Variants in ZNF362 observed in about 807,000 individuals in gnomAD.
ZNF362 encodes zinc finger protein 362.
Under a neutral mutation model 42.9 loss-of-function variants are expected in ZNF362, and 11 were observed. The ratio of observed to expected loss-of-function variants is 0.26; its 90% CI spans 0.16 to 0.42. The LOEUF is 0.42. ZNF362 is among the 20% of genes least tolerant of loss of function. The pLI is 1.00. For synonymous variants in ZNF362, 255 were observed against 257.3 expected (o/e 0.99, Z 0.09); for missense variants, 362 against 576.2 (o/e 0.63, Z 3.81).
the ZNF362 span, among the ~76,000 whole-genome samples, chr1:33,175,049 A>T: frequency 1.3e-5 from 2 of 150,816 alleles, no homozygotes; most frequent in African/African-American, 4.9e-5. Context: ...ATGTATATGT[A>T]TTTTTTTTAA....
the ZNF362 span, among the ~76,000 whole-genome samples, chr1:33,160,512 C>T: frequency 6.6e-6 from 1 of 152,072 alleles, no homozygotes; most frequent in Non-Finnish European, 1.5e-5. Flanking sequence ...TCAGGCGATT[C>T]TCCAGCCTCA....
chr1:33,169,110 T>G, the ZNF362 span, among the ~76,000 whole-genome samples: 1 of 152,102 alleles, frequency 6.6e-6, no homozygotes, highest in Admixed American at 6.5e-5. Context: ...TGGGGAGAGA[T>G]GAGGTGTGAG....
chr1:33,294,275 G>A lies in ZNF362; in HGVS notation c.909-662G>A, dbSNP rs1356117009. 6.6e-6 allele frequency among the ~76,000 whole-genome samples: 1 copy of A among 152,218 alleles called. No homozygotes were observed. ...ACTGTATTTTTATACCCATTTTGCA[G>A]ATGAGGAAACTGATGCTCAGTGGTT... On this transcript the variant is annotated intron_variant, in intron 6 of 8. Coordinates refer to ENST00000539719, the MANE Select transcript of ZNF362 (RefSeq NM_152493.3). The surrounding 1 kb of genome is among the most constrained non-coding windows in gnomAD (Gnocchi z 4.2).
the ZNF362 span, among the ~76,000 whole-genome samples, chr1:33,236,386 A>G: frequency 6.6e-6 from 1 of 150,434 alleles, no homozygotes; most frequent in East Asian, 2.0e-4. Context: ...CAAAAAATGA[A>G]AAAAAATTAG....
At chr1:33,220,857 G>T in the ZNF362 span, among the ~76,000 whole-genome samples, 1 of 152,178 alleles carries the variant, frequency 6.6e-6, no homozygotes, top group African/African-American at 2.4e-5. Flanking sequence ...TATAGCCATG[G>T]TTCTCCTAAT....
At chr1:33,189,039 C>G in the ZNF362 span, among the ~76,000 whole-genome samples, 55 of 152,336 alleles carry the variant, frequency 3.6e-4, no homozygotes, top group Admixed American at 7.2e-4. Flanking sequence ...TTCCTGACCT[C>G]AGGCCACGAC....
intron 8 of ZNF362, among the ~76,000 whole-genome samples, chr1:33,295,838 T>TAAA (rs1398300493): frequency 5.3e-5 from 8 of 152,142 alleles, no homozygotes; most frequent in Admixed American, 5.2e-4. Context: ...TGTGTGCTTC[T>TAAA]GTTTGATCTA....
chr1:33,142,359 C>G, the ZNF362 span: 2 of 152,384 alleles, frequency 1.3e-5, no homozygotes, highest in African/African-American at 2.4e-5. Flanking sequence ...GAATGTATCT[C>G]TGTTGTTTTC....
chr1:33,298,876 C>T, intron 8 of ZNF362, 54 bp from the exon 9 acceptor site: 3 of 1,513,750 alleles, frequency 2.0e-6, no homozygotes, highest in East Asian at 2.3e-5. Flanking sequence ...ACTGCAGCCT[C>T]TTCTCCCTCC....
At chr1:33,135,918 G>T in the ZNF362 span, among the ~76,000 whole-genome samples, 137 of 152,260 alleles carry the variant, frequency 9.0e-4, no homozygotes, top group Non-Finnish European at 1.7e-3. Context: ...ACAGTGAGGG[G>T]TCCCCAGGCC....
At chr1:33,286,504 CCTCT>C (rs143136646) in intron 6 of ZNF362, among the ~76,000 whole-genome samples, 4 of 150,178 alleles carry the variant, frequency 2.7e-5, no homozygotes, top group Non-Finnish European at 5.9e-5. Context: ...TTTTTTTTTC[CCTCT>C]CTCTCTCTCT....
intron 6 of ZNF362, among the ~76,000 whole-genome samples, chr1:33,284,106 G>C (rs537376473): frequency 6.6e-6 from 1 of 152,198 alleles, no homozygotes; most frequent in African/African-American, 2.4e-5. Context: ...CCTATACAAC[G>C]TGTAATGTGG....
the ZNF362 span, among the ~76,000 whole-genome samples, chr1:33,226,350 A>G: frequency 0.96 from 145,843 of 152,232 alleles, 70,114 homozygotes; most frequent in Non-Finnish European, 1. Context: ...GCTCCTGCCC[A>G]TGAGTCAGTG....
At chr1:33,245,227 G>C in the ZNF362 span, among the ~76,000 whole-genome samples, 1 of 152,276 alleles carries the variant, frequency 6.6e-6, no homozygotes, top group South Asian at 2.1e-4. Flanking sequence ...CCACCATTTA[G>C]ATGGTATTTG....
chr1:33,255,373 G>T (rs1168968170), upstream of ZNF362, among the ~76,000 whole-genome samples: 2 of 152,220 alleles, frequency 1.3e-5, no homozygotes, highest in African/African-American at 2.4e-5. Flanking sequence ...TGCCCTTCCC[G>T]GGGGACTGTG....
the ZNF362 span, among the ~76,000 whole-genome samples, chr1:33,231,474 G>A: frequency 6.6e-6 from 1 of 152,296 alleles, no homozygotes; most frequent in Non-Finnish European, 1.5e-5. Flanking sequence ...TGCACAGCCA[G>A]TAAGTGACTG....
the ZNF362 span, among the ~76,000 whole-genome samples, chr1:33,182,237 A>G: frequency 3.3e-5 from 5 of 152,072 alleles, no homozygotes; most frequent in Non-Finnish European, 7.4e-5. Context: ...GTGTACTTGG[A>G]ACTGCATCCA....
chr1:33,166,705 G>A, the ZNF362 span, among the ~76,000 whole-genome samples: 9 of 152,050 alleles, frequency 5.9e-5, no homozygotes, highest in Non-Finnish European at 8.8e-5. Context: ...CAGGTGACAC[G>A]TTTTCTACCA....
intron 6 of ZNF362, among the ~76,000 whole-genome samples, chr1:33,286,639 T>C (rs926014599): frequency 1.2e-4 from 19 of 152,300 alleles, no homozygotes; most frequent in African/African-American, 3.8e-4. Context: ...TAAACTGATA[T>C]GTCCTAACTC....
Sources: gnomAD v4.1 joint callset for allele counts (sites outside exome capture counted in the v4.1 genomes callset) on GRCh38, gnomAD v4.1.1 for gene constraint, Gnocchi (gnomAD v3.1) non-coding constraint, MANE v1.5 for transcripts, NCBI Gene and HGNC (gene_info 2026-07-23, HGNC 2026-07-21) for gene names.